Variants in DTNB observed in about 807,000 individuals in gnomAD.
The protein encoded by DTNB is DTN-B.
Under a neutral mutation model 90.7 loss-of-function variants are expected in DTNB, and 63 were observed. The ratio of observed to expected loss-of-function variants is 0.69; its 90% confidence interval spans 0.57 to 0.86. DTNB has a LOEUF of 0.86. DTNB is among the 40% of genes least tolerant of loss of function. DTNB has a pLI of 0.00. For synonymous variants in DTNB, 277 were observed against 286.7 expected (o/e 0.97, Z 0.34); for missense variants, 744 against 807.1 (o/e 0.92, Z 0.95).
chr2:25,604,491 C>T (rs1277331565), intron 5 of DTNB, among the ~76,000 whole-genome samples: 2 of 152,110 alleles, frequency 1.3e-5, no homozygotes, highest in Admixed American at 1.3e-4. Context: ...ACTGCAGCCT[C>T]GAACTTCTAG....
chr2:25,550,688 T>TTTTTTTTTG (rs1275142041), intron 8 of DTNB, among the ~76,000 whole-genome samples: 1 of 152,080 alleles, frequency 6.6e-6, no homozygotes, highest in African/African-American at 2.4e-5. Flanking sequence ...TTTTCTTTTT[T>TTTTTTTTTG]ACTCAGGCTG....
chr2:25,508,717 A>G (rs2073162475), intron 9 of DTNB, among the ~76,000 whole-genome samples: 1 of 152,016 alleles, frequency 6.6e-6, no homozygotes, highest in Non-Finnish European at 1.5e-5. Flanking sequence ...TATTTTTAGT[A>G]GAGACAGGGT....
chr2:25,540,888 A>C (rs1181366220), intron 8 of DTNB, among the ~76,000 whole-genome samples: 1 of 152,158 alleles, frequency 6.6e-6, no homozygotes, highest in Non-Finnish European at 1.5e-5. Context: ...TCAAGTACCC[A>C]GGGACACAAA....
intron 12 of DTNB, among the ~76,000 whole-genome samples, chr2:25,439,652 G>A (rs999302631): frequency 5.9e-5 from 9 of 152,140 alleles, no homozygotes; most frequent in African/African-American, 1.9e-4. Context: ...TAGTAGGAGA[G>A]GAATGAAAGT....
chr2:25,410,223 A>G (rs538989486), intron 16 of DTNB, among the ~76,000 whole-genome samples: 55 of 152,286 alleles, frequency 3.6e-4, no homozygotes, highest in African/African-American at 1.3e-3. Flanking sequence ...TGGTTTTCAT[A>G]TGCTGTGTGC....
At chr2:25,672,616 G>A (rs2086287147) in intron 1 of DTNB, among the ~76,000 whole-genome samples, 1 of 151,970 alleles carries the variant, frequency 6.6e-6, no homozygotes, top group African/African-American at 2.4e-5. Context: ...TCCCAATACT[G>A]GGAAAAGACA....
chr2:25,564,952 G>A (rs1411398704), intron 8 of DTNB, among the ~76,000 whole-genome samples: 1 of 152,100 alleles, frequency 6.6e-6, no homozygotes, highest in African/African-American at 2.4e-5. Context: ...TAATATTTTT[G>A]TATTGATTTT....
At position 25,639,074 on chromosome 2, in the gene DTNB, T is replaced by C; in HGVS notation, c.88A>G (p.Ile30Val). The change falls in exon 3 of 21, where the codon ATA (isoleucine) becomes GTA (valine). Residue 30 changes from isoleucine to valine, a missense_variant. Coordinates refer to ENST00000406818, the MANE Select transcript of DTNB (RefSeq NM_021907.5). ...GCTGTTCTGTAAGTTGATAGTCGTA[T>C]GACATCAAAATTCTGAGCACCTGAA... ...IEMRAQNFDVIRLSTYRTACK... is the reference protein window; with the variant it reads ...IEMRAQNFDVVRLSTYRTACK... The C allele has an allele frequency of 1.3e-6, 2 of 1,587,442 alleles. No homozygotes were observed. Among genetic ancestry groups the C allele is most frequent in the African/African-American group, 1.3e-5 (1 of 74,680 alleles).
At chr2:25,405,837 G>A (rs2149684219) in intron 16 of DTNB, among the ~76,000 whole-genome samples, 1 of 152,210 alleles carries the variant, frequency 6.6e-6, no homozygotes, top group Admixed American at 6.5e-5. Flanking sequence ...TCTGGTCTGT[G>A]CTCAGGAATC....
intron 3 of DTNB, among the ~76,000 whole-genome samples, chr2:25,630,573 G>A (rs1245429707): frequency 3.3e-5 from 5 of 152,184 alleles, no homozygotes; most frequent in East Asian, 1.9e-4. Context: ...GCACGGTGAC[G>A]GTGGCTCATG....
chr2:25,430,258 G>A (rs1007921049), intron 14 of DTNB, among the ~76,000 whole-genome samples: 3 of 151,836 alleles, frequency 2.0e-5, no homozygotes, highest in Non-Finnish European at 4.4e-5. Context: ...TTTATGTTTT[G>A]TTCCAAAACC....
At chr2:25,659,160 G>A (rs1438099543) in intron 1 of DTNB, among the ~76,000 whole-genome samples, 1 of 152,142 alleles carries the variant, frequency 6.6e-6, no homozygotes, top group Admixed American at 6.6e-5. Context: ...TATTATATAT[G>A]TATGAAATGA....
At chr2:25,449,696 A>G (rs1338579409) in intron 12 of DTNB, among the ~76,000 whole-genome samples, 4 of 151,170 alleles carry the variant, frequency 2.6e-5, no homozygotes, top group South Asian at 2.1e-4. Context: ...AATTCTTTAT[A>G]TATTCTGTCC....
intron 9 of DTNB, among the ~76,000 whole-genome samples, chr2:25,488,490 GTACCATTGA>G (rs2066668838): frequency 6.6e-6 from 1 of 152,110 alleles, no homozygotes; most frequent in African/African-American, 2.4e-5. Flanking sequence ...TGGGTTTGAA[GTACCATTGA>G]TACCATTGAA....
rs192124674 is a variant in DTNB at position 25,422,832 on chromosome 2, T to G, written c.1555-3297A>C. On this transcript the variant is annotated intron_variant, in intron 15 of 20. Transcript: ENST00000406818. Reference sequence around the variant, plus strand: ...AGGTCAGTAATTAATTAATACTCATTAATCAGGTAAAAAGTATAAGGGAAA... The same window carrying G: ...AGGTCAGTAATTAATTAATACTCATGAATCAGGTAAAAAGTATAAGGGAAA... 2.0e-5 allele frequency among the ~76,000 whole-genome samples: 3 copies of G among 152,300 alleles called. No homozygotes were observed. The East Asian group carries it at 5.8e-4, about 29-fold the overall frequency.
intron 8 of DTNB, among the ~76,000 whole-genome samples, chr2:25,570,964 A>G (rs1404985896): frequency 6.6e-6 from 1 of 152,186 alleles, no homozygotes; most frequent in Admixed American, 6.5e-5. Context: ...ATATGGACGG[A>G]TATCTAATAA....
intron 10 of DTNB, among the ~76,000 whole-genome samples, chr2:25,474,228 A>T (rs1440752408): frequency 6.6e-6 from 1 of 152,084 alleles, no homozygotes; most frequent in Non-Finnish European, 1.5e-5. Context: ...ACACCTGCCA[A>T]CACTAAGGAC....
At chr2:25,583,367 T>C (rs2061856802) in intron 6 of DTNB, among the ~76,000 whole-genome samples, 2 of 151,554 alleles carry the variant, frequency 1.3e-5, no homozygotes, top group Admixed American at 1.3e-4. Context: ...CGAACAAAAT[T>C]AAATGTATCA....
intron 2 of DTNB, among the ~76,000 whole-genome samples, chr2:25,642,051 A>T (rs1325185739): frequency 6.6e-6 from 1 of 152,146 alleles, no homozygotes; most frequent in Non-Finnish European, 1.5e-5. Flanking sequence ...CGATCTCCTG[A>T]CCTCATGATC....
Sources: gnomAD v4.1 joint callset for allele counts (sites outside exome capture counted in the v4.1 genomes callset) on GRCh38, gnomAD v4.1.1 for gene constraint, MANE v1.5 for transcripts, NCBI Gene and HGNC (gene_info 2026-07-23, HGNC 2026-07-21) for gene names.